Variants in BCOR observed in about 807,000 individuals in gnomAD.
BCOR encodes BCL6 corepressor, also known as BCL-6 corepressor.
In BCOR, 10 loss-of-function variants were observed where a neutral mutation model predicts 86.7. The ratio of observed to expected loss-of-function variants is 0.12; its 90% CI spans 0.07 to 0.20. BCOR has a LOEUF of 0.20. BCOR is among the 10% of genes least tolerant of loss of function. The pLI, the probability that BCOR is intolerant of heterozygous loss-of-function variation, is 1.00. For missense variants in BCOR, 1,259 were observed against 1,452.1 expected (o/e 0.87, Z 2.16); for synonymous variants, 611 against 609.0 (o/e 1.00, Z -0.05).
At chrX:40,075,491 C>T (rs1428682825) in intron 3 of BCOR, among the ~76,000 whole-genome samples, 1 of 112,006 alleles carries the variant, frequency 8.9e-6, no homozygotes, top group Non-Finnish European at 1.9e-5. Flanking sequence ...GGCGCGGTGG[C>T]TCACGCCTGT....
At chrX:40,128,376 T>A (rs1309522339) in intron 1 of BCOR, among the ~76,000 whole-genome samples, 5 of 111,518 alleles carry the variant, frequency 4.5e-5, no homozygotes, top group Non-Finnish European at 7.5e-5. Flanking sequence ...CAAAACCCCG[T>A]CTCTACAAAA....
chrX:40,104,850 C>T (rs1354360477), intron 1 of BCOR, among the ~76,000 whole-genome samples: 1 of 112,470 alleles, frequency 8.9e-6, no homozygotes, highest in Non-Finnish European at 1.9e-5. Context: ...TCACGTAAGG[C>T]CCACACGCGT....
intron 1 of BCOR, among the ~76,000 whole-genome samples, chrX:40,175,825 T>G (rs1041542384): frequency 8.9e-6 from 1 of 112,880 alleles, no homozygotes. Flanking sequence ...CTTACTCGAC[T>G]GGGGTGAGGG....
At chrX:40,076,774 T>G (rs1312460005) in intron 2 of BCOR, among the ~76,000 whole-genome samples, 1 of 112,749 alleles carries the variant, frequency 8.9e-6, no homozygotes, top group Non-Finnish European at 1.9e-5. Flanking sequence ...ACAAATATGA[T>G]GTCCCCAAGG....
chrX:40,064,296 G>A, intron 7 of BCOR, 40 bp downstream of exon 7: 1 of 1,211,097 alleles, frequency 8.3e-7, no homozygotes, highest in African/African-American at 1.7e-5. Flanking sequence ...GCATGCAAAG[G>A]CCCACCCCCC....
rs1470549023 is a variant in BCOR at position 40,062,269 on chromosome X, T to A, written c.4298A>T (p.Gln1433Leu). 1 of 1,209,039 alleles carries A rather than the reference T, an allele frequency of 8.3e-7. No individual in the cohort carries two copies. Among genetic ancestry groups the A allele is most frequent in the East Asian group, 3.0e-5 (1 of 33,742 alleles). The change falls in exon 10 of 15, where the codon CAG becomes CTG. Residue 1433 changes from glutamine (Q) to leucine (L), a missense_variant. By Grantham distance (113) the Gln-to-Leu change is moderately radical (BLOSUM62 -2). Coordinates refer to ENST00000378444, the MANE Select transcript of BCOR (RefSeq NM_001123385.2). ...QQLLPASQSTQLPCSSSPQET... is the reference protein window; with the variant it reads ...QQLLPASQSTLLPCSSSPQET... ...CTGAGGGGAACTTGAGCATGGCAGC[T>A]GTGTGGACTGGGAGGCTGGTAGCAG...
chrX:40,170,092 C>T (rs1278893764), intron 1 of BCOR, among the ~76,000 whole-genome samples: 6 of 112,175 alleles, frequency 5.3e-5, no homozygotes, highest in Non-Finnish European at 1.1e-4. Context: ...GTTTTAACAA[C>T]TCCAGGCCTT....
chrX:40,073,245 C>G lies in BCOR; in HGVS notation c.2101G>C (p.Gly701Arg). The G allele has an allele frequency of 8.3e-7, 1 of 1,211,923 alleles. No individual in the cohort carries two copies. Among genetic ancestry groups the G allele is most frequent in the Non-Finnish European group, 1.1e-6 (1 of 895,497 alleles). ...LFPGHLAPKPGLPYGLPTGRP... is the reference protein window; with the variant it reads ...LFPGHLAPKPRLPYGLPTGRP... ...CCGGTGGGAAGCCCATAGGGCAGCC[C>G]AGGCTTTGGGGCAAGGTGCCCAGGA... The change falls in exon 4 of 15, where the codon GGG becomes CGG. Residue 701 changes from glycine (G) to arginine (R), a missense_variant. By Grantham distance (125) the Gly-to-Arg change is moderately radical. This residue lies in a region of BCOR where 534 missense variants were observed against 594.8 expected (regional missense o/e 0.90). Coordinates refer to ENST00000378444, the MANE Select transcript of BCOR (RefSeq NM_001123385.2).
In BCOR at chrX:40,074,837, C is replaced by T; in HGVS notation, c.509G>A (p.Arg170Lys). The T allele has an allele frequency of 2.5e-6, 3 of 1,211,907 alleles. No individual in the cohort carries two copies. The highest frequency in any genetic ancestry group is 4.6e-4 in the Middle Eastern group (2 of 4,355). ...AGGGCTCTGTTTGTCGCTGGCAGGC[C>T]TGTCCAAGCCCAGCGCTTCTGCTGT... ...VATAEALGLD[R>K]PASDKQSPLN... is the part of the protein sequence containing the mutation. The change falls in exon 4 of 15, where the codon AGG (arginine) becomes AAG (lysine). Residue 170 changes from arginine (R) to lysine (K), a missense_variant. Around this residue, in one of 7 missense-constraint regions of BCOR, gnomAD observed 174 missense variants for 189.3 expected, o/e 0.92. Transcript: ENST00000378444.
intron 1 of BCOR, among the ~76,000 whole-genome samples, chrX:40,142,460 G>C (rs1937941195): frequency 8.9e-6 from 1 of 112,006 alleles, no homozygotes; most frequent in South Asian, 3.7e-4. Context: ...AGGGTCTTTA[G>C]CCTTCAGCTG....
chrX:40,176,500 G>A (rs767846937), intron 1 of BCOR, among the ~76,000 whole-genome samples: 2 of 112,590 alleles, frequency 1.8e-5, no homozygotes, highest in South Asian at 3.6e-4. Context: ...CTACAAGAGC[G>A]GCGACTCCAT....
intron 9 of BCOR, 117 bp from the exon 10 acceptor site, chrX:40,062,510 CT>C (rs1934940179): frequency 6.2e-6 from 6 of 973,216 alleles, no homozygotes; most frequent in Non-Finnish European, 7.0e-6. Flanking sequence ...TATTCCTTAT[CT>C]TTTTTTGGGG....
chrX:40,079,801 C>CCA (rs1230568868), intron 1 of BCOR, among the ~76,000 whole-genome samples: 1 of 110,768 alleles, frequency 9.0e-6, no homozygotes, highest in Non-Finnish European at 1.9e-5. Context: ...GTGGGGAAGG[C>CCA]CACCACTAGG....
rs763852454 is a variant in BCOR, at chrX:40,155,837, T to G, written c.-41+21170A>C. 2.5e-3 allele frequency among the ~76,000 whole-genome samples: 279 copies of G among 111,420 alleles called. 1 individual carries two copies. Among genetic ancestry groups the G allele is most frequent in the Non-Finnish European group, 4.3e-3 (229 of 52,666 alleles). On this transcript the variant is annotated intron_variant, in intron 1 of 14. Coordinates refer to the BCOR transcript ENST00000342274. ...CGCCGCGGGCCCGCGTGAGGCTGAC[T>G]CGCGGCTGGGGTGGGGAGGGGGGGC...
intron 1 of BCOR, among the ~76,000 whole-genome samples, chrX:40,109,381 G>A (rs1937257608): frequency 9.0e-6 from 1 of 111,657 alleles, no homozygotes; most frequent in Non-Finnish European, 1.9e-5. Context: ...GCGGAGTCTT[G>A]CTTGCGAACA....
At chrX:40,081,442 T>C (rs1936105308) in intron 1 of BCOR, among the ~76,000 whole-genome samples, 1 of 112,476 alleles carries the variant, frequency 8.9e-6, no homozygotes, top group African/African-American at 3.2e-5. Context: ...GGGGACTTTT[T>C]TACCTCTAAG....
rs773204535 is a variant in BCOR at position 40,063,763 on chromosome X, C to T, written c.3692G>A (p.Arg1231Gln). 2.0e-5 allele frequency: 24 copies of T among 1,210,400 alleles called. No homozygotes were observed. Among genetic ancestry groups the T allele is most frequent in the East Asian group, 3.0e-5 (1 of 33,746 alleles). The change falls in exon 8 of 15, where the codon CGG becomes CAG. Residue 1231 changes from arginine to glutamine, a missense_variant. Physicochemically the swap from Arg to Gln is conservative, Grantham distance 43 (BLOSUM62 1). This residue lies in a region of BCOR where 305 missense variants were observed against 286.1 expected (regional missense o/e 1.07). Transcript: ENST00000378444. The stretch of plus-strand genomic sequence containing the variant: ...CTGGGTCACTTCCTTCCTGCTTTGC[C>T]GGCCAGGTTTGCCATCTGCTGCCGA... ...QVSAADGKPG[R>Q]QSRKEVTQAT... is the part of the protein sequence containing the mutation.
chrX:40,158,176 G>A (rs1938335631), intron 1 of BCOR, among the ~76,000 whole-genome samples: 1 of 112,312 alleles, frequency 8.9e-6, no homozygotes, highest in Non-Finnish European at 1.9e-5. Context: ...TAGGGCTCCG[G>A]GCAGGGGGCC....
At chrX:40,101,258 C>T (rs1359753325), upstream of BCOR, among the ~76,000 whole-genome samples, 1 of 111,470 alleles carries the variant, frequency 9.0e-6, no homozygotes, top group Non-Finnish European at 1.9e-5. Context: ...CTTCTCCTGC[C>T]CCCTCCTCTC....
Sources: gnomAD v4.1 joint callset for allele counts (sites outside exome capture counted in the v4.1 genomes callset) on GRCh38, gnomAD v4.1.1 for gene constraint, gnomAD v4.1.1 regional missense constraint, MANE v1.5 for transcripts, NCBI Gene and HGNC (gene_info 2026-07-23, HGNC 2026-07-21) for gene names.